The following PTBP2 variants were observed in gnomAD, a reference collection of about 807,000 sequenced individuals.
The protein encoded by PTBP2 is polypyrimidine tract-binding protein 2.
A neutral mutation model predicts 61.4 loss-of-function variants in PTBP2; 13 were observed. The observed-to-expected ratio is 0.21, with a 90% CI of 0.14 to 0.34. The LOEUF (loss-of-function observed/expected upper bound fraction) is 0.34. PTBP2 is among the 10% of genes least tolerant of loss of function. The pLI is 1.00. For missense variants in PTBP2, 405 were observed against 642.6 expected (o/e 0.63, Z 4.00); for synonymous variants, 215 against 218.5 (o/e 0.98, Z 0.14).
At position 96,752,001 on chromosome 1, in the gene PTBP2, C is replaced by T. The variant is rs141475167; in HGVS notation, c.115+501C>T. Among the ~76,000 whole-genome samples the T allele has an allele frequency of 3.5e-3, 531 of 151,976 alleles. 2 individuals carry two copies. The highest frequency in any genetic ancestry group is 5.3e-3 in the Non-Finnish European group (358 of 67,944). ...TTCTGAGTTGATCCTTTTATGTTGT[C>T]TACCTGCATATTTAAGATGATTTGT... On this transcript the variant is annotated intron_variant, in intron 3 of 13. Coordinates refer to ENST00000674951, the MANE Select transcript of PTBP2 (RefSeq NM_021190.4).
chr1:96,789,628 G>A (rs769118096), intron 8 of PTBP2, among the ~76,000 whole-genome samples: 2 of 151,984 alleles, frequency 1.3e-5, no homozygotes, highest in Non-Finnish European at 2.9e-5. Flanking sequence ...AAATTAACTG[G>A]AAAACTTTGA....
chr1:96,729,791 C>T (rs913667170), intron 2 of PTBP2, among the ~76,000 whole-genome samples: 2 of 142,078 alleles, frequency 1.4e-5, no homozygotes, highest in Admixed American at 1.5e-4. Flanking sequence ...GGCTGGAGTG[C>T]AGTGGCACCA....
intron 10 of PTBP2, 37 bp from the exon 11 acceptor site, chr1:96,806,829 T>A: frequency 6.7e-7 from 1 of 1,500,328 alleles, no homozygotes; most frequent in Non-Finnish European, 9.2e-7. Context: ...TAAAATTAAT[T>A]CCATTTTTGG....
At chr1:96,749,513 T>C (rs1018638779) in intron 2 of PTBP2, 6 of 341,992 alleles carry the variant, frequency 1.8e-5, no homozygotes, top group African/African-American at 8.6e-5. Context: ...AAGTTTTGTT[T>C]TTGTTTCTTA....
intron 2 of PTBP2, among the ~76,000 whole-genome samples, chr1:96,732,836 G>A (rs1259604772): frequency 6.6e-6 from 1 of 152,088 alleles, no homozygotes; most frequent in African/African-American, 2.4e-5. Flanking sequence ...TCAGTGAGTT[G>A]AATAGTTTGG....
In PTBP2 at chr1:96,790,433, A is replaced by G. The variant is rs1490150576; in HGVS notation, c.904+5179A>G. ...TTCGTTACTTTTTTTTCTACTAATG[A>G]TTTTAGTATCCAATAATGGTTGCTG... On this transcript the variant is annotated intron_variant, in intron 8 of 13. Coordinates refer to ENST00000674951, the MANE Select transcript of PTBP2 (RefSeq NM_021190.4). Among the ~76,000 whole-genome samples, 61 of 151,776 alleles carry G rather than the reference A, an allele frequency of 4.0e-4. 2 individuals are homozygous for G. The highest frequency in any genetic ancestry group is 4.0e-3 in the Admixed American group (61 of 15,220).
At chr1:96,755,415 A>G (rs199881576) in intron 3 of PTBP2, among the ~76,000 whole-genome samples, 2 of 152,352 alleles carry the variant, frequency 1.3e-5, no homozygotes, top group East Asian at 3.8e-4. Flanking sequence ...GGAATGTAAA[A>G]TCGTAGTACT....
At chr1:96,751,585 GA>G in intron 3 of PTBP2, 85 bp downstream of exon 3, 1 of 989,444 alleles carries the variant, frequency 1.0e-6, no homozygotes, top group South Asian at 1.6e-5. Context: ...GTTATACCAG[GA>G]AAGCCTTTCT....
Position 96,770,855 on chromosome 1 carries a change from A to T in PTBP2, c.432+4A>T. On this transcript the variant is annotated splice_donor_region_variant and intron_variant, in intron 5 of 13. Transcript: ENST00000674951. ...GACAGATAATACATTAAACCAAGTA[A>T]GTATGTGTAGGTACATAAATAAAAT... The T allele has an allele frequency of 6.4e-7, 1 of 1,555,302 alleles. No homozygotes were observed. The highest frequency in any genetic ancestry group is 8.9e-7 in the Non-Finnish European group (1 of 1,127,304).
chr1:96,785,160 G>A lies in PTBP2; in HGVS notation c.810G>A (p.Arg270=). 1 of 1,610,406 alleles carries A rather than the reference G, an allele frequency of 6.2e-7. No individual in the cohort carries two copies. The highest frequency in any genetic ancestry group is 8.5e-7 in the Non-Finnish European group (1 of 1,177,948). Residue 270 remains arginine (R), a synonymous_variant, in exon 8 of 14, where the codon AGG becomes AGA. Transcript: ENST00000674951. ...TAAAATACAACAATGATAAAAGTAG[G>A]GATTATACTCGACCTGATCTTCCAT... ...LNVKYNNDKS[R]DYTRPDLPSG...
intron 2 of PTBP2, among the ~76,000 whole-genome samples, chr1:96,745,108 GTCAC>G: frequency 6.6e-6 from 1 of 151,468 alleles, no homozygotes; most frequent in East Asian, 1.9e-4. Context: ...TCATGAACCT[GTCAC>G]TCAAATAAAA....
At chr1:96,757,848 A>G (rs1010305653) in intron 3 of PTBP2, among the ~76,000 whole-genome samples, 2 of 152,128 alleles carry the variant, frequency 1.3e-5, no homozygotes, top group African/African-American at 2.4e-5. Context: ...TACCACAAGG[A>G]CATATTTTTG....
intron 7 of PTBP2, among the ~76,000 whole-genome samples, chr1:96,783,198 C>T (rs896003879): frequency 2.4e-4 from 36 of 151,906 alleles, no homozygotes; most frequent in African/African-American, 8.2e-4. Flanking sequence ...TATTTGTGGT[C>T]ACCTCCTTTA....
At chr1:96,819,531 A>G (rs1335575167), downstream of PTBP2, 1 of 151,864 alleles carries the variant, frequency 6.6e-6, no homozygotes, top group African/African-American at 2.4e-5. Context: ...TTGCAACTAA[A>G]TGATTTAGAC....
chr1:96,723,274 T>C (rs1048873746), intron 1 of PTBP2, among the ~76,000 whole-genome samples: 1 of 152,250 alleles, frequency 6.6e-6, no homozygotes, highest in Non-Finnish European at 1.5e-5. Flanking sequence ...AATCTCAGTA[T>C]ACTGGCATTG....
chr1:96,804,729 G>C, intron 8 of PTBP2, 71 bp from the exon 9 acceptor site: 1 of 1,445,456 alleles, frequency 6.9e-7, no homozygotes, highest in Non-Finnish European at 9.4e-7. Context: ...TGCTTAAATT[G>C]GTTTTTGTAA....
At chr1:96,751,194 T>C (rs1654490897) in intron 2 of PTBP2, 1 of 576,124 alleles carries the variant, frequency 1.7e-6, no homozygotes, top group Non-Finnish European at 3.1e-6. Flanking sequence ...ACTTTTTCTA[T>C]TTATTGTCTT....
At chr1:96,806,673 T>G in intron 10 of PTBP2, 193 bp from the exon 11 acceptor site, 5 of 652,460 alleles carry the variant, frequency 7.7e-6, no homozygotes, top group Non-Finnish European at 5.2e-6. Flanking sequence ...TTTGAGGGTT[T>G]ATCAAAAATT....
chr1:96,752,029 T>G (rs1427379121), intron 3 of PTBP2, among the ~76,000 whole-genome samples: 1 of 152,090 alleles, frequency 6.6e-6, no homozygotes, highest in Non-Finnish European at 1.5e-5. Context: ...TGATTTGTTT[T>G]AATCTTCAAA....
Sources: gnomAD v4.1 joint callset for allele counts (sites outside exome capture counted in the v4.1 genomes callset) on GRCh38, gnomAD v4.1.1 for gene constraint, MANE v1.5 for transcripts, NCBI Gene and HGNC (gene_info 2026-07-23, HGNC 2026-07-21) for gene names.